Variants in PCED1B observed in about 807,000 individuals in gnomAD.
The protein encoded by PCED1B is PC-esterase domain-containing protein 1B.
For synonymous variants in PCED1B, 251 were observed against 246.1 expected (o/e 1.02, Z -0.19); for missense variants, 573 against 573.9 (o/e 1.00, Z 0.02).
intron 3 of PCED1B, among the ~76,000 whole-genome samples, chr12:47,225,555 C>T (rs142548796): frequency 2.0e-5 from 3 of 152,250 alleles, no homozygotes; most frequent in African/African-American, 7.2e-5. Flanking sequence ...TAAGCAAATG[C>T]TGACATAGAT....
intron 2 of PCED1B, among the ~76,000 whole-genome samples, chr12:47,125,917 T>A (rs975318603): frequency 6.6e-6 from 1 of 152,112 alleles, no homozygotes; most frequent in African/African-American, 2.4e-5. Flanking sequence ...TTCATAGGAT[T>A]TTCTACATAT....
intron 2 of PCED1B, among the ~76,000 whole-genome samples, chr12:47,121,493 A>T (rs982543814): frequency 6.6e-6 from 1 of 152,222 alleles, no homozygotes; most frequent in Non-Finnish European, 1.5e-5. Context: ...TCTTTTTTTA[A>T]AGAAATCTCC....
chr12:47,171,945 T>C (rs973415991), intron 2 of PCED1B, among the ~76,000 whole-genome samples: 3 of 150,812 alleles, frequency 2.0e-5, no homozygotes, highest in African/African-American at 7.4e-5. Context: ...TATGTATGTG[T>C]CTATAGATAG....
Position 47,192,465 on chromosome 12 carries a change from T to C in PCED1B, c.-525-23757T>C, listed in dbSNP as rs186754554. Among the ~76,000 whole-genome samples, 97 of 152,330 alleles carry C rather than the reference T, an allele frequency of 6.4e-4. 1 individual carries two copies. The highest frequency in any genetic ancestry group is 2.6e-4 in the Non-Finnish European group (18 of 68,022). On this transcript the variant is annotated intron_variant, in intron 2 of 3. Transcript: ENST00000546455. ...CCTTTTGGATATGAGCTCATTCAAA[T>C]GGTAAATGATTTCATTCAAAACTTT... is the stretch of plus-strand genomic sequence containing the variant.
rs1006570716 is a variant in PCED1B at position 47,131,951 on chromosome 12, G to A, written c.-526+27756G>A. ...CAAAGTGCTGGGATTACAGGCGTGA[G>A]CCACCGTGCCCAGCCTGTCATGTTT... On this transcript the variant is annotated intron_variant, in intron 2 of 3. Transcript: ENST00000546455. 2.6e-5 allele frequency among the ~76,000 whole-genome samples: 4 copies of A among 152,168 alleles called. No individual in the cohort carries two copies. The East Asian group carries it at 7.7e-4, about 29-fold the overall frequency.
chr12:47,148,091 G>T (rs765890109), intron 2 of PCED1B, among the ~76,000 whole-genome samples: 4 of 152,112 alleles, frequency 2.6e-5, no homozygotes, highest in African/African-American at 4.8e-5. Flanking sequence ...CTATGCCATC[G>T]CATGGTGGAA....
At chr12:47,213,306 G>T (rs1266498813) in intron 2 of PCED1B, among the ~76,000 whole-genome samples, 1 of 152,180 alleles carries the variant, frequency 6.6e-6, no homozygotes. Context: ...AGTACTAATT[G>T]TGAGTGCTTT....
chr12:47,134,986 A>C (rs1592184142), intron 2 of PCED1B, among the ~76,000 whole-genome samples: 1 of 152,242 alleles, frequency 6.6e-6, no homozygotes, highest in African/African-American at 2.4e-5. Context: ...TTTTTAACTT[A>C]TTACCAAATA....
chr12:47,080,329 C>T (rs1351824330), intron 1 of PCED1B, among the ~76,000 whole-genome samples: 5 of 152,214 alleles, frequency 3.3e-5, no homozygotes, highest in Admixed American at 3.3e-4. Flanking sequence ...GGCGGCCGCA[C>T]AGGTCACGTC....
intron 2 of PCED1B, among the ~76,000 whole-genome samples, chr12:47,115,897 A>T (rs528103902): frequency 1.3e-5 from 2 of 152,320 alleles, no homozygotes; most frequent in South Asian, 4.1e-4. Flanking sequence ...TATTGTATGG[A>T]TTGGTTTTTG....
At chr12:47,148,553 C>A (rs117165563) in intron 2 of PCED1B, among the ~76,000 whole-genome samples, 2 of 152,282 alleles carry the variant, frequency 1.3e-5, no homozygotes, top group South Asian at 4.1e-4. Context: ...CCCTGAAACT[C>A]CCAGTCTTAA....
At chr12:47,198,613 CG>C (rs1284578208) in intron 2 of PCED1B, among the ~76,000 whole-genome samples, 3 of 151,158 alleles carry the variant, frequency 2.0e-5, no homozygotes. Context: ...GCAAGGTAAA[CG>C]GATTGAGAAG....
intron 2 of PCED1B, among the ~76,000 whole-genome samples, chr12:47,139,895 G>A (rs984465473): frequency 6.6e-5 from 10 of 152,020 alleles, no homozygotes; most frequent in African/African-American, 2.4e-4. Flanking sequence ...GTGTGGTGTG[G>A]TAGGTGTATA....
At chr12:47,209,138 G>C (rs901187909) in intron 2 of PCED1B, 1 of 152,400 alleles carries the variant, frequency 6.6e-6, no homozygotes, top group African/African-American at 2.4e-5. Context: ...CTCAGATTCC[G>C]GCTTCACTGC....
At position 47,235,529 on chromosome 12, in the gene PCED1B, G is replaced by C. The variant is rs780629741; in HGVS notation, c.466G>C (p.Glu156Gln). 263 of 1,611,278 alleles carry C rather than the reference G, an allele frequency of 1.6e-4. No homozygotes were observed. Among genetic ancestry groups the C allele is most frequent in the Non-Finnish European group, 2.1e-4 (252 of 1,178,262 alleles). ...CCAGTGCCTGGGCCAGGTGCTGCCC[G>C]AGTCTTGCCTCCTGGTGTGGAACAC... is the stretch of plus-strand genomic sequence containing the variant. ...LFQCLGQVLP[E>Q]SCLLVWNTAM... The change falls in exon 4 of 4, where the codon GAG (glutamate) becomes CAG (glutamine). Residue 156 changes from glutamate (E) to glutamine (Q), a missense_variant. By Grantham distance (29) the Glu-to-Gln change is conservative. Transcript: ENST00000546455.
At chr12:47,111,938 G>A (rs540505986) in intron 2 of PCED1B, among the ~76,000 whole-genome samples, 25 of 152,208 alleles carry the variant, frequency 1.6e-4, no homozygotes, top group South Asian at 4.2e-4. Context: ...TTCTCTGATC[G>A]CTCAAAGGCA....
rs531409875 is a variant in PCED1B, at chr12:47,125,893, G to A, written c.-526+21698G>A. Among the ~76,000 whole-genome samples the A allele has an allele frequency of 9.6e-4, 146 of 151,890 alleles. 2 individuals carry two copies. Among genetic ancestry groups the A allele is most frequent in the Middle Eastern group, 3.4e-3 (1 of 294 alleles). On this transcript the variant is annotated intron_variant, in intron 2 of 3. Transcript: ENST00000546455. ...CTTAACTCATTTACTAGTTCAAATC[G>A]TTTTTTAAAATGTTTCATAGGATTT... is the stretch of plus-strand genomic sequence containing the variant.
intron 2 of PCED1B, among the ~76,000 whole-genome samples, chr12:47,181,170 A>C (rs1592247476): frequency 6.6e-6 from 1 of 151,866 alleles, no homozygotes; most frequent in East Asian, 1.9e-4. Flanking sequence ...TTTTTTGTAG[A>C]GATGGGGTTT....
chr12:47,194,612 C>G (rs1479452168), intron 2 of PCED1B, among the ~76,000 whole-genome samples: 1 of 152,170 alleles, frequency 6.6e-6, no homozygotes, highest in Admixed American at 6.5e-5. Flanking sequence ...AGACTTTCAA[C>G]AGTGAAGCTT....
Sources: allele counts gnomAD v4.1 joint callset (sites outside exome capture counted in the v4.1 genomes callset), GRCh38; gene constraint gnomAD v4.1.1; transcripts MANE v1.5; gene names NCBI Gene and HGNC (gene_info 2026-07-23, HGNC 2026-07-21).